The following MKLN1 variants were observed in gnomAD, a reference collection of about 807,000 sequenced individuals.
MKLN1 encodes muskelin.
A neutral mutation model predicts 99.0 loss-of-function variants in MKLN1; 18 were observed. The observed-to-expected ratio is 0.18, with a 90% CI of 0.13 to 0.27. MKLN1 has a LOEUF of 0.27. Among genes scored for constraint, MKLN1 ranks in the 10% least tolerant of loss-of-function variants. The pLI is 1.00. For missense variants in MKLN1, 621 were observed against 875.9 expected, an observed-to-expected ratio of 0.71 and a Z score of 3.67; for synonymous variants, 288 against 293.2, an observed-to-expected ratio of 0.98 and a Z score of 0.18.
At position 131,399,389 on chromosome 7, in the gene MKLN1, G is replaced by A. The variant is rs1794461977; in HGVS notation, c.659G>A (p.Gly220Asp). ...ATTCATGACAAGCTGGTGTTGAAGGGTGATTTTGATGCTTGCGAAGAGTTG... is the reference window on the plus strand; with the variant it reads ...ATTCATGACAAGCTGGTGTTGAAGGATGATTTTGATGCTTGCGAAGAGTTG... ...TDIHDKLVLKGDFDACEELIE... is the reference protein window; with the variant it reads ...TDIHDKLVLKDDFDACEELIE... The change falls in exon 6 of 18, where the codon GGT (glycine) becomes GAT (aspartate). Residue 220 changes from glycine to aspartate, a missense_variant. Around this residue, in one of 8 missense-constraint regions of MKLN1, gnomAD observed 361 missense variants for 540.8 expected, o/e 0.67. Coordinates refer to ENST00000352689, the MANE Select transcript of MKLN1 (RefSeq NM_013255.5). 2 of 1,613,922 alleles carry A rather than the reference G, an allele frequency of 1.2e-6. No homozygotes were observed. The highest frequency in any genetic ancestry group is 1.7e-5 in the Admixed American group (1 of 60,002).
chr7:131,374,468 T>C (rs1231732373), intron 1 of MKLN1, among the ~76,000 whole-genome samples: 2 of 152,202 alleles, frequency 1.3e-5, no homozygotes, highest in Non-Finnish European at 2.9e-5. Flanking sequence ...CCTTCTGCCC[T>C]CCGTCCCCTT....
chr7:131,203,582 C>CTTT (rs1340324303), intron 3 of MKLN1, among the ~76,000 whole-genome samples: 2 of 152,150 alleles, frequency 1.3e-5, no homozygotes, highest in Non-Finnish European at 2.9e-5. Context: ...GCCAAGAAAA[C>CTTT]GGACCATGTT....
At chr7:131,314,816 C>T (rs537472940) in intron 3 of MKLN1, among the ~76,000 whole-genome samples, 2 of 151,968 alleles carry the variant, frequency 1.3e-5, no homozygotes, top group African/African-American at 2.4e-5. Flanking sequence ...GTCACACAAG[C>T]GGGAGTGCGG....
chr7:131,250,486 TC>T (rs1398111532), intron 3 of MKLN1, among the ~76,000 whole-genome samples: 3 of 152,136 alleles, frequency 2.0e-5, no homozygotes, highest in Non-Finnish European at 2.9e-5. Flanking sequence ...ATGAGAGGTC[TC>T]TAGTACCTGC....
intron 10 of MKLN1, among the ~76,000 whole-genome samples, chr7:131,438,871 A>G (rs925579817): frequency 2.0e-5 from 3 of 152,140 alleles, no homozygotes; most frequent in African/African-American, 7.2e-5. Flanking sequence ...TCTAGGACAT[A>G]GAACCCAGGG....
intron 3 of MKLN1, among the ~76,000 whole-genome samples, chr7:131,270,383 G>C (rs1013746283): frequency 6.6e-6 from 1 of 152,120 alleles, no homozygotes; most frequent in Non-Finnish European, 1.5e-5. Flanking sequence ...ACCATGCCCA[G>C]CTAAGTTTTG....
At chr7:131,197,282 C>T (rs1485371054) in intron 2 of MKLN1, among the ~76,000 whole-genome samples, 1 of 151,854 alleles carries the variant, frequency 6.6e-6, no homozygotes, top group Non-Finnish European at 1.5e-5. Context: ...TGGCTCTCTG[C>T]AGCCTTGACC....
intron 3 of MKLN1, among the ~76,000 whole-genome samples, chr7:131,244,175 A>G (rs1413860831): frequency 6.6e-6 from 1 of 152,176 alleles, no homozygotes; most frequent in African/African-American, 2.4e-5. Flanking sequence ...ATTAATGCCT[A>G]TTGAGTTAGT....
At chr7:131,184,991 C>T (rs528976997) in intron 2 of MKLN1, among the ~76,000 whole-genome samples, 1 of 152,210 alleles carries the variant, frequency 6.6e-6, no homozygotes, top group African/African-American at 2.4e-5. Flanking sequence ...AGAGTCAACA[C>T]GGCAGACACA....
At chr7:131,317,280 A>C (rs1182719128) in intron 3 of MKLN1, among the ~76,000 whole-genome samples, 1 of 152,194 alleles carries the variant, frequency 6.6e-6, no homozygotes, top group Non-Finnish European at 1.5e-5. Flanking sequence ...TACAAGCCAG[A>C]AGAGAGTGAG....
intron 2 of MKLN1, among the ~76,000 whole-genome samples, chr7:131,180,698 CA>C (rs35667474): frequency 0.43 from 51,870 of 120,222 alleles, 9,119 homozygotes; most frequent in East Asian, 0.6. Flanking sequence ...GACTTGGTCT[CA>C]AAAAAAAAAA....
chr7:131,472,777 C>T (rs1264467938), intron 16 of MKLN1, among the ~76,000 whole-genome samples: 1 of 151,954 alleles, frequency 6.6e-6, no homozygotes, highest in African/African-American at 2.4e-5. Flanking sequence ...GATGAAACCC[C>T]GTCTCTACTA....
At chr7:131,349,965 A>G (rs1341298086) in intron 1 of MKLN1, among the ~76,000 whole-genome samples, 1 of 151,504 alleles carries the variant, frequency 6.6e-6, no homozygotes, top group African/African-American at 2.4e-5. Context: ...TAATTACTAC[A>G]TGCTTATTTT....
intron 12 of MKLN1, among the ~76,000 whole-genome samples, chr7:131,449,247 C>A (rs1356210361): frequency 6.6e-6 from 1 of 152,062 alleles, no homozygotes; most frequent in Non-Finnish European, 1.5e-5. Flanking sequence ...GGGACTGGTA[C>A]GTATTGAGGA....
chr7:131,443,542 A>G lies in MKLN1; in HGVS notation c.1235A>G (p.Asn412Ser), dbSNP rs1795905487. Residue 412 changes from asparagine (N) to serine (S), a missense_variant, in exon 11 of 18, where the codon AAT (asparagine) becomes AGT (serine). Asn to Ser is a conservative substitution (Grantham distance 46). Transcript: ENST00000352689. ...TTTGGTGGTAGAATTTTGACTTGTA[A>G]TGGCAGCGTAGATGACAGCAGAGCC... Reference protein sequence around the residue: ...YTFGGRILTCNGSVDDSRASE... With the variant: ...YTFGGRILTCSGSVDDSRASE... 1.2e-6 allele frequency: 2 copies of G among 1,614,034 alleles called. No homozygotes were observed. Among genetic ancestry groups the G allele is most frequent in the African/African-American group, 1.3e-5 (1 of 74,932 alleles).
chr7:131,123,022 CAAAAA>C (rs59581806), intron 1 of MKLN1, among the ~76,000 whole-genome samples: 1 of 60,396 alleles, frequency 1.7e-5, no homozygotes, highest in African/African-American at 7.0e-5. Flanking sequence ...GACTCCGTCT[CAAAAA>C]AAAAAAAAAA....
At chr7:131,335,193 A>T (rs564239198) in intron 1 of MKLN1, among the ~76,000 whole-genome samples, 3 of 152,190 alleles carry the variant, frequency 2.0e-5, no homozygotes, top group South Asian at 4.1e-4. Context: ...CAGTTAGAAA[A>T]TTTTTTTGTT....
chr7:131,303,559 A>G (rs1798409444), intron 3 of MKLN1, among the ~76,000 whole-genome samples: 1 of 152,214 alleles, frequency 6.6e-6, no homozygotes, highest in Non-Finnish European at 1.5e-5. Flanking sequence ...ACCATGAGAG[A>G]GCAGAAATAA....
At chr7:131,422,807 A>G (rs1795245385) in intron 8 of MKLN1, among the ~76,000 whole-genome samples, 1 of 151,858 alleles carries the variant, frequency 6.6e-6, no homozygotes, top group Admixed American at 6.6e-5. Context: ...GTATGATGGC[A>G]CAAATTTTAT....
Sources: allele counts gnomAD v4.1 joint callset (sites outside exome capture counted in the v4.1 genomes callset), GRCh38; gene constraint gnomAD v4.1.1; regional missense constraint gnomAD v4.1.1; transcripts MANE v1.5; gene names NCBI Gene and HGNC (gene_info 2026-07-23, HGNC 2026-07-21).